AFF4: variants seen among roughly 807,000 people sequenced by gnomAD.
AFF4 encodes AF4/FMR2 family member 4.
Under a neutral mutation model 124.8 loss-of-function variants are expected in AFF4, and 13 were observed. The ratio of observed to expected loss-of-function variants is 0.10; its 90% confidence interval spans 0.07 to 0.17. The LOEUF (loss-of-function observed/expected upper bound fraction) is 0.17, where lower values mean the gene tolerates loss of function less well. Among genes scored for constraint, AFF4 ranks in the 10% least tolerant of loss-of-function variants. The pLI is 1.00. For missense variants in AFF4, 1,092 were observed against 1,403.8 expected (o/e 0.78, Z 3.55); for synonymous variants, 477 against 496.1 (o/e 0.96, Z 0.51).
intron 1 of AFF4, 68 bp downstream of exon 1, chr5:132,963,191 C>T (rs942740083): frequency 7.8e-6 from 3 of 385,316 alleles, no homozygotes; most frequent in Non-Finnish European, 1.4e-5. Context: ...GCCCCCACCC[C>T]CACCCGGCCC....
intron 13 of AFF4, among the ~76,000 whole-genome samples, chr5:132,890,111 A>G (rs958994643): frequency 2.6e-5 from 4 of 151,458 alleles, no homozygotes; most frequent in African/African-American, 9.7e-5. Flanking sequence ...ACATTAGAAA[A>G]CTCAATAATA....
intron 5 of AFF4, among the ~76,000 whole-genome samples, chr5:132,909,904 G>A (rs1760754524): frequency 6.6e-6 from 1 of 152,190 alleles, no homozygotes; most frequent in African/African-American, 2.4e-5. Context: ...AGATGGGGAG[G>A]AGAAGATAAG....
chr5:132,950,518 G>A (rs1055599818), intron 1 of AFF4, among the ~76,000 whole-genome samples: 1 of 151,576 alleles, frequency 6.6e-6, no homozygotes, highest in East Asian at 1.9e-4. Flanking sequence ...GCATGGTGGT[G>A]GGCGCCTGTA....
At chr5:132,882,313 G>A (rs537053812) in intron 20 of AFF4, among the ~76,000 whole-genome samples, 7 of 151,748 alleles carry the variant, frequency 4.6e-5, no homozygotes, top group African/African-American at 1.5e-4. Context: ...ACCTGTTCAC[G>A]CTGTAAGTAT....
At chr5:132,919,546 A>C (rs1229433852) in intron 5 of AFF4, among the ~76,000 whole-genome samples, 5 of 152,182 alleles carry the variant, frequency 3.3e-5, no homozygotes, top group African/African-American at 7.2e-5. Flanking sequence ...GTAAAACCTA[A>C]AACTATAAAA....
intron 1 of AFF4, among the ~76,000 whole-genome samples, chr5:132,954,712 T>C (rs1761916079): frequency 6.6e-6 from 1 of 151,712 alleles, no homozygotes; most frequent in Non-Finnish European, 1.5e-5. Context: ...TACGCCTGGC[T>C]AATTTTTTGT....
In AFF4 at chr5:132,934,207, C is replaced by T. The variant is rs2150098209; in HGVS notation, c.858G>A (p.Glu286=). 10 of 1,614,204 alleles carry T rather than the reference C, an allele frequency of 6.2e-6. No homozygotes were observed. Among genetic ancestry groups the T allele is most frequent in the Non-Finnish European group, 7.6e-6 (9 of 1,180,042 alleles). The part of the protein sequence containing the change: ...SSQSHGNSMT[E]LKPSSKAHLT... ...GATGTGCTTTGCTGCTGGGCTTCAG[C>T]TCAGTCATGCTGTTGCCATGGGATT... The change falls in exon 3 of 21, where the codon GAG becomes GAA. Residue 286 remains glutamate (E), a synonymous_variant. Coordinates refer to ENST00000265343, the MANE Select transcript of AFF4 (RefSeq NM_014423.4).
intron 1 of AFF4, among the ~76,000 whole-genome samples, chr5:132,950,602 T>C (rs574721034): frequency 1.1e-4 from 16 of 152,166 alleles, no homozygotes; most frequent in South Asian, 4.1e-4. Context: ...TGAGCCAAGA[T>C]TGCGCCACTG....
At position 132,940,290 on chromosome 5, in the gene AFF4, G is replaced by A. The variant is rs2150103190; in HGVS notation, c.-4-3097C>T. The stretch of plus-strand genomic sequence containing the variant: ...GGAGGCGGGCAGATCACAAGGTCAG[G>A]AGATTGAGATATCCTGGCTAACACA... On this transcript the variant is annotated intron_variant, in intron 1 of 20. Coordinates refer to ENST00000265343, the MANE Select transcript of AFF4 (RefSeq NM_014423.4). 2.0e-5 allele frequency among the ~76,000 whole-genome samples: 3 copies of A among 151,764 alleles called. 1 individual carries two copies. In the South Asian group the frequency reaches 6.3e-4, roughly 32 times the overall value.
chr5:132,899,024 A>T (rs1300370497), intron 9 of AFF4, 80 bp downstream of exon 9: 5 of 1,239,458 alleles, frequency 4.0e-6, no homozygotes, highest in Non-Finnish European at 5.8e-6. Context: ...TTTACTTATA[A>T]GGCCACTTAT....
At chr5:132,927,278 T>A in intron 4 of AFF4, 71 bp from the exon 5 acceptor site, 1 of 1,317,096 alleles carries the variant, frequency 7.6e-7, no homozygotes, top group Non-Finnish European at 1.1e-6. Context: ...AAAACCAGAT[T>A]TGTATTTATA....
At chr5:132,956,595 G>A (rs1051776608) in intron 1 of AFF4, among the ~76,000 whole-genome samples, 2 of 146,282 alleles carry the variant, frequency 1.4e-5, no homozygotes, top group Non-Finnish European at 3.0e-5. Context: ...TCATGCCACT[G>A]CACTCCAGCC....
At chr5:132,889,722 T>C (rs1419818857) in intron 13 of AFF4, among the ~76,000 whole-genome samples, 1 of 152,230 alleles carries the variant, frequency 6.6e-6, no homozygotes, top group African/African-American at 2.4e-5. Flanking sequence ...TTCTTGGAAT[T>C]TGAGTTTCAA....
chr5:132,896,302 CA>C lies in AFF4; in HGVS notation c.2307+20del. On this transcript the variant is annotated intron_variant, in intron 11 of 20. Transcript: ENST00000265343. ...TCAGATTCTGATGTTTCAAAACAAACAACAAAAACCCTTCACAAACCTTATG... is the reference window on the plus strand; with the variant it reads ...TCAGATTCTGATGTTTCAAAACAAACACAAAAACCCTTCACAAACCTTATG... 1 of 1,551,524 alleles carries C rather than the reference CA, an allele frequency of 6.4e-7. No individual in the cohort carries two copies. The highest frequency in any genetic ancestry group is 1.3e-5 in the South Asian group (1 of 78,914).
intron 17 of AFF4, 112 bp from the exon 18 acceptor site, chr5:132,886,515 C>T: frequency 1.1e-6 from 1 of 899,014 alleles, no homozygotes; most frequent in South Asian, 1.6e-5. Flanking sequence ...ATGGCATAGG[C>T]CACAACATTA....
intron 1 of AFF4, among the ~76,000 whole-genome samples, chr5:132,946,918 G>A (rs1053746327): frequency 4.6e-5 from 7 of 152,018 alleles, no homozygotes; most frequent in African/African-American, 1.7e-4. Flanking sequence ...TAGGTCAGGC[G>A]TGGTGGCGTG....
At chr5:132,949,847 C>CAA (rs113489900) in intron 1 of AFF4, among the ~76,000 whole-genome samples, 5 of 100,176 alleles carry the variant, frequency 5.0e-5, no homozygotes, top group East Asian at 2.8e-4. Flanking sequence ...GACTCTGTCT[C>CAA]AAAAAAAAAA....
chr5:132,883,287 A>C (rs1357900871), intron 20 of AFF4, 53 bp downstream of exon 20: 2 of 1,533,850 alleles, frequency 1.3e-6, no homozygotes, highest in African/African-American at 2.8e-5. Context: ...CTAAATTATA[A>C]AAGTTCCTTC....
In AFF4 at chr5:132,879,996, C is replaced by T; in HGVS notation, c.*1063G>A. ...ATAGCAAAAGCACACACCGAAGCTC[C>T]AGCCTATTTCTGTATCAGTCATTGC... On this transcript the variant is annotated 3_prime_UTR_variant, in exon 21 of 21. Transcript: ENST00000265343. 2.6e-6 allele frequency: 1 copy of T among 384,098 alleles called. No individual in the cohort carries two copies. The highest frequency in any genetic ancestry group is 4.6e-6 in the Non-Finnish European group (1 of 216,856). 23.8% of individuals were successfully genotyped at this position (384,098 alleles called of 1,614,324 possible).
Sources: allele counts gnomAD v4.1 joint callset (sites outside exome capture counted in the v4.1 genomes callset), GRCh38; gene constraint gnomAD v4.1.1; transcripts MANE v1.5; gene names NCBI Gene and HGNC (gene_info 2026-07-23, HGNC 2026-07-21).